ZNF808: variants seen among roughly 807,000 people sequenced by gnomAD.
ZNF808 encodes the protein zinc finger protein 808.
ZNF808 carries 5 observed loss-of-function variants against 8.7 expected under a neutral mutation model. The ratio of observed to expected loss-of-function variants is 0.58; its 90% CI spans 0.30 to 1.21. ZNF808 has a LOEUF of 1.21. ZNF808 is among the 50% of genes most tolerant of loss of function. The pLI is 0.07. For synonymous variants in ZNF808, 380 were observed against 366.0 expected (o/e 1.04, Z -0.44); for missense variants, 1,103 against 1,098.4 (o/e 1.00, Z -0.06).
chr19:52,558,165 A>C (rs1464295607), downstream of ZNF808, among the ~76,000 whole-genome samples: 3 of 147,258 alleles, frequency 2.0e-5, no homozygotes, highest in Non-Finnish European at 4.5e-5. Flanking sequence ...GGCTCACTGC[A>C]AGCTCCGCCT....
intron 3 of ZNF808, among the ~76,000 whole-genome samples, chr19:52,545,358 A>G (rs957299571): frequency 6.6e-6 from 1 of 152,220 alleles, no homozygotes; most frequent in Admixed American, 6.5e-5. Context: ...TGTGTGCATG[A>G]ATACATGGGT....
chr19:52,557,432 A>C (rs2059841987), downstream of ZNF808, among the ~76,000 whole-genome samples: 2 of 151,594 alleles, frequency 1.3e-5, no homozygotes, highest in Admixed American at 1.3e-4. Context: ...ACTCCCGGCT[A>C]ATTTTTTGCA....
chr19:52,547,556 A>G lies in ZNF808; in HGVS notation c.108A>G (p.Ala36=), dbSNP rs2059734211. Residue 36 remains alanine, a synonymous_variant, in exon 4 of 5, where the codon GCA becomes GCG. Transcript: ENST00000359798. Reference sequence around the variant, plus strand: ...ATGTGGCTATAGAATTCTCATTGGCAGAGTGGAAATTCCTGAACCCTGCAC... The same window carrying G: ...ATGTGGCTATAGAATTCTCATTGGCGGAGTGGAAATTCCTGAACCCTGCAC... ...FRDVAIEFSL[A]EWKFLNPAQR... is the part of the protein sequence containing the mutation. 1.3e-5 allele frequency: 21 copies of G among 1,613,966 alleles called. No individual in the cohort carries two copies. Among genetic ancestry groups the G allele is most frequent in the Non-Finnish European group, 1.7e-5 (20 of 1,180,012 alleles).
At chr19:52,539,011 T>G (rs2059641387) in intron 2 of ZNF808, among the ~76,000 whole-genome samples, 1 of 151,924 alleles carries the variant, frequency 6.6e-6, no homozygotes, top group South Asian at 2.1e-4. Flanking sequence ...CTTGACTCAT[T>G]CGTTGTGGAT....
chr19:52,554,070 A>T lies in ZNF808; in HGVS notation c.1154A>T (p.Tyr385Phe). 1.9e-6 allele frequency: 3 copies of T among 1,614,090 alleles called. No individual in the cohort carries two copies. The highest frequency in any genetic ancestry group is 2.5e-6 in the Non-Finnish European group (3 of 1,180,000). Residue 385 changes from tyrosine to phenylalanine, a missense_variant, in exon 5 of 5, where the codon TAT (tyrosine) becomes TTT (phenylalanine). Transcript: ENST00000359798. ...ICEKAFACHS[Y>F]LANHTRIHSG... ...GAGAAGGCTTTTGCGTGTCATTCCTATCTGGCAAACCATACTAGAATTCAT... is the reference window on the plus strand; with the variant it reads ...GAGAAGGCTTTTGCGTGTCATTCCTTTCTGGCAAACCATACTAGAATTCAT...
At position 52,550,621 on chromosome 19, in the gene ZNF808, G is replaced by C. The variant is rs191443442; in HGVS notation, c.191-2486G>C. Among the ~76,000 whole-genome samples the C allele has an allele frequency of 3.3e-3, 496 of 151,920 alleles. 4 individuals are homozygous for C. Among genetic ancestry groups the C allele is most frequent in the Middle Eastern group, 0.027 (8 of 294 alleles). On this transcript the variant is annotated intron_variant, in intron 4 of 4. Transcript: ENST00000359798. ...GCTCACTGCAACCTCGACTTCCTGG[G>C]TTCAAGTGATTGTCCTGCCTCAGGC...
chr19:52,560,861 A>G (rs2059853878), downstream of ZNF808, among the ~76,000 whole-genome samples: 1 of 152,056 alleles, frequency 6.6e-6, no homozygotes. Context: ...CTTGCTTCAC[A>G]TGGTACATTG....
intron 4 of ZNF808, among the ~76,000 whole-genome samples, chr19:52,549,324 C>T (rs2059752910): frequency 6.6e-6 from 1 of 152,086 alleles, no homozygotes; most frequent in Admixed American, 6.5e-5. Context: ...CCAGGGGATC[C>T]TTGTTCACCC....
chr19:52,534,894 TAAAAG>T (rs1440162533), intron 2 of ZNF808, among the ~76,000 whole-genome samples: 6 of 151,040 alleles, frequency 4.0e-5, no homozygotes, highest in Admixed American at 4.0e-4. Flanking sequence ...GTCTCAAAAA[TAAAAG>T]GAAAGAAAAA....
chr19:52,536,987 G>A (rs2123093974), intron 2 of ZNF808, among the ~76,000 whole-genome samples: 1 of 136,794 alleles, frequency 7.3e-6, no homozygotes, highest in Middle Eastern at 3.9e-3. Context: ...CGGAGTTCGA[G>A]ACCAGCCTGA....
rs2059810606 is a variant in ZNF808, at chr19:52,554,341, A to G, written c.1425A>G (p.Arg475=). 3.1e-6 allele frequency: 5 copies of G among 1,613,966 alleles called. No individual in the cohort carries two copies. Among genetic ancestry groups the G allele is most frequent in the Non-Finnish European group, 4.2e-6 (5 of 1,180,016 alleles). ...TCNSQLARHR[R]IHTGEKTYKC... ...ATTCACAGCTGGCACGACATAGAAGAATTCACACTGGAGAGAAAACTTACA... is the reference window on the plus strand; with the variant it reads ...ATTCACAGCTGGCACGACATAGAAGGATTCACACTGGAGAGAAAACTTACA... The change falls in exon 5 of 5, where the codon AGA becomes AGG. Residue 475 remains arginine (R), a synonymous_variant. Transcript: ENST00000359798.
At chr19:52,543,544 C>A (rs1450637164) in intron 3 of ZNF808, among the ~76,000 whole-genome samples, 197 bp downstream of exon 3, 1 of 152,158 alleles carries the variant, frequency 6.6e-6, no homozygotes, top group African/African-American at 2.4e-5. Flanking sequence ...TCTCCTGTGA[C>A]CCAGTGACAT....
rs747407810 is a variant in ZNF808, at chr19:52,554,495, G to A, written c.1579G>A (p.Val527Ile). 8 of 1,614,000 alleles carry A rather than the reference G, an allele frequency of 5.0e-6. No homozygotes were observed. The highest frequency in any genetic ancestry group is 2.7e-5 in the African/African-American group (2 of 74,882). The change falls in exon 5 of 5, where the codon GTA becomes ATA. Residue 527 changes from valine (V) to isoleucine (I), a missense_variant. Coordinates refer to ENST00000359798, the MANE Select transcript of ZNF808 (RefSeq NM_001039886.4). ...TACCTTCCGTCACCGGGCATCCCTT[G>A]TATACCATCGTAGACTTCACACTCT... Reference protein sequence around the residue: ...GNTFRHRASLVYHRRLHTLEK... With the variant: ...GNTFRHRASLIYHRRLHTLEK...
Position 52,556,260 on chromosome 19 carries a change from A to C in ZNF808, c.*632A>C, listed in dbSNP as rs2059835029. 1.1e-5 allele frequency: 2 copies of C among 177,864 alleles called. No homozygotes were observed. Among genetic ancestry groups the C allele is most frequent in the South Asian group, 2.2e-4 (2 of 9,066 alleles). 11.0% of individuals were successfully genotyped at this position (177,864 alleles called of 1,614,324 possible). ...AGGTCACTTGAGGTCAGAAGTTTGA[A>C]ACCACCATGGCCAACAGATGTCGGC... is the stretch of plus-strand genomic sequence containing the variant. On this transcript the variant is annotated 3_prime_UTR_variant, in exon 5 of 5. Transcript: ENST00000359798.
At chr19:52,532,637 A>T (rs2059571313) in intron 1 of ZNF808, among the ~76,000 whole-genome samples, 1 of 152,204 alleles carries the variant, frequency 6.6e-6, no homozygotes, top group African/African-American at 2.4e-5. Context: ...TCACAGTGGA[A>T]AAATACTCCT....
downstream of ZNF808, among the ~76,000 whole-genome samples, chr19:52,568,502 C>A (rs2059878570): frequency 7.1e-6 from 1 of 140,034 alleles, no homozygotes; most frequent in African/African-American, 2.5e-5. Context: ...GCATCATTGT[C>A]CCTTCTTATG....
chr19:52,537,426 C>T (rs2059624140), intron 2 of ZNF808, among the ~76,000 whole-genome samples: 1 of 152,100 alleles, frequency 6.6e-6, no homozygotes, highest in Non-Finnish European at 1.5e-5. Context: ...GTGGCTCATG[C>T]CTGTAATCCC....
chr19:52,544,924 C>G (rs1199106642), intron 3 of ZNF808, among the ~76,000 whole-genome samples: 1 of 152,198 alleles, frequency 6.6e-6, no homozygotes, highest in African/African-American at 2.4e-5. Flanking sequence ...TCTGGGATTA[C>G]AGGCATTCGC....
At chr19:52,546,642 CTTT>C (rs67940309) in intron 3 of ZNF808, among the ~76,000 whole-genome samples, 4 of 98,792 alleles carry the variant, frequency 4.0e-5, no homozygotes, top group Non-Finnish European at 7.8e-5. Context: ...CCTGTGTTTG[CTTT>C]TTTTTTTTTT....
Sources: allele counts gnomAD v4.1 joint callset (sites outside exome capture counted in the v4.1 genomes callset), GRCh38; gene constraint gnomAD v4.1.1; transcripts MANE v1.5; gene names NCBI Gene and HGNC (gene_info 2026-07-23, HGNC 2026-07-21).